Variants in SNTB1 observed in about 807,000 individuals in gnomAD.
SNTB1 encodes the protein syntrophin beta 1.
SNTB1 carries 36 observed loss-of-function variants against 48.9 expected under a neutral mutation model. The observed-to-expected ratio is 0.74, with a 90% CI of 0.56 to 0.97. SNTB1 has a LOEUF of 0.97. Among genes scored for constraint, SNTB1 ranks in the 50% least tolerant of loss-of-function variants. The probability of loss-of-function intolerance (pLI) is 0.00; values close to 1 mark genes in which losing one functional copy is unlikely to be tolerated. For missense variants in SNTB1, 786 were observed against 703.4 expected (o/e 1.12, Z -1.33); for synonymous variants, 299 against 294.6 (o/e 1.01, Z -0.15).
intron 2 of SNTB1, among the ~76,000 whole-genome samples, chr8:120,640,117 G>A (rs1340639576): frequency 6.6e-6 from 1 of 151,452 alleles, no homozygotes; most frequent in East Asian, 1.9e-4. Context: ...TGGATTCCTA[G>A]GTATTTTATT....
chr8:120,678,513 G>C (rs1053147410), intron 2 of SNTB1, among the ~76,000 whole-genome samples: 3 of 152,080 alleles, frequency 2.0e-5, no homozygotes, highest in African/African-American at 7.2e-5. Flanking sequence ...GTCTTCCTCT[G>C]AGCCTCTCAA....
chr8:120,655,264 A>G (rs1238992905), intron 2 of SNTB1, among the ~76,000 whole-genome samples: 22 of 152,248 alleles, frequency 1.4e-4, no homozygotes, highest in Admixed American at 1.3e-3. Flanking sequence ...TGTGAAAAAG[A>G]TAACATCAAA....
chr8:120,549,028 T>G (rs1815434261), intron 4 of SNTB1, 70 bp from the exon 5 acceptor site: 1 of 1,301,870 alleles, frequency 7.7e-7, no homozygotes, highest in Non-Finnish European at 1.1e-6. Context: ...TCACCTTGTA[T>G]AAGACCCAAA....
intron 1 of SNTB1, among the ~76,000 whole-genome samples, chr8:120,769,930 C>G (rs1228489161): frequency 1.3e-5 from 2 of 152,190 alleles, no homozygotes; most frequent in African/African-American, 2.4e-5. Context: ...TTTACTCAAA[C>G]TCAAAAACAA....
At chr8:120,634,852 ATTT>A (rs11347235) in intron 2 of SNTB1, among the ~76,000 whole-genome samples, 4 of 139,198 alleles carry the variant, frequency 2.9e-5, no homozygotes, top group Non-Finnish European at 3.1e-5. Flanking sequence ...ATTAGTATTC[ATTT>A]TTTTTTTTTT....
In SNTB1 at chr8:120,679,781, C is replaced by A. The variant is rs192230548; in HGVS notation, c.788+13911G>T. ...GCTACATCACTCCATGGCTTCAGAC[C>A]CCTCCTAGAAAAAAGTTCAAGTTAT... is the stretch of plus-strand genomic sequence containing the variant. On this transcript the variant is annotated intron_variant, in intron 2 of 6. Coordinates refer to ENST00000517992, the MANE Select transcript of SNTB1 (RefSeq NM_021021.4). 1.9e-3 allele frequency among the ~76,000 whole-genome samples: 288 copies of A among 152,166 alleles called. 5 individuals are homozygous for A. In the Middle Eastern group the frequency reaches 0.068, roughly 36 times the overall value.
rs750870559 is a variant in SNTB1, at chr8:120,538,757, A to G, written c.*120T>C. Reference sequence around the variant, plus strand: ...GGGACAGTTACATACGACTCTTGAGAGCTAAAGCTGACTGTAGCACGCTAC... The same window carrying G: ...GGGACAGTTACATACGACTCTTGAGGGCTAAAGCTGACTGTAGCACGCTAC... On this transcript the variant is annotated 3_prime_UTR_variant, in exon 7 of 7. Transcript: ENST00000517992. The G allele has an allele frequency of 2.9e-5, 24 of 839,570 alleles. No individual in the cohort carries two copies. The highest frequency in any genetic ancestry group is 1.1e-4 in the Admixed American group (6 of 56,054). The allele number at this position is 839,570 out of a possible 1,614,324, so 52.0% of individuals were successfully genotyped here.
At chr8:120,616,128 C>T (rs1349413021) in intron 3 of SNTB1, among the ~76,000 whole-genome samples, 27 of 152,154 alleles carry the variant, frequency 1.8e-4, no homozygotes, top group Admixed American at 1.7e-3. Context: ...AAGCCTTCCT[C>T]ACATCTCCAA....
Position 120,811,865 on chromosome 8 carries a change from C to A in SNTB1, c.-22G>T, listed in dbSNP as rs1161513886. The A allele has an allele frequency of 7.5e-7, 1 of 1,330,712 alleles. No individual in the cohort carries two copies. The highest frequency in any genetic ancestry group is 1.5e-5 in the African/African-American group (1 of 64,772). 82.4% of individuals were successfully genotyped at this position (1,330,712 alleles called of 1,614,324 possible). On this transcript the variant is annotated 5_prime_UTR_variant, in exon 1 of 7. Coordinates refer to ENST00000517992, the MANE Select transcript of SNTB1 (RefSeq NM_021021.4). The stretch of plus-strand genomic sequence containing the variant: ...CCATCTTTCCGGCATTCTTAAAATG[C>A]CATGTGATTGGAAAAGGGGGGAAAA...
At chr8:120,624,174 G>A (rs1313397715) in intron 3 of SNTB1, among the ~76,000 whole-genome samples, 4 of 152,132 alleles carry the variant, frequency 2.6e-5, no homozygotes, top group African/African-American at 9.7e-5. Flanking sequence ...CTGACCTCCA[G>A]TGATCCACCC....
Position 120,806,242 on chromosome 8 carries a change from A to G in SNTB1, c.571+5031T>C, listed in dbSNP as rs554019738. ...GCAGAAGGGGTGTCACACTGCTGGCATTTAGTGAAGGAAGCCAGGGAACCT... is the reference window on the plus strand; with the variant it reads ...GCAGAAGGGGTGTCACACTGCTGGCGTTTAGTGAAGGAAGCCAGGGAACCT... On this transcript the variant is annotated intron_variant, in intron 1 of 6. Transcript: ENST00000517992. Among the ~76,000 whole-genome samples, 12 of 152,350 alleles carry G rather than the reference A, an allele frequency of 7.9e-5. No homozygotes were observed. In the South Asian group the frequency reaches 2.3e-3, roughly 29 times the overall value.
intron 3 of SNTB1, among the ~76,000 whole-genome samples, chr8:120,590,790 A>G (rs565048960): frequency 4.4e-3 from 652 of 149,880 alleles, no homozygotes; most frequent in Non-Finnish European, 7.6e-3. Flanking sequence ...CGGTTCAAGC[A>G]ATTCTCCTGC....
In SNTB1 at chr8:120,547,592, CAAA is replaced by C. The variant is rs11289979; in HGVS notation, c.1333+1167_1333+1169del. Among the ~76,000 whole-genome samples, 22 of 89,064 alleles carry C rather than the reference CAAA, an allele frequency of 2.5e-4. 1 individual carries two copies. The highest frequency in any genetic ancestry group is 3.0e-4 in the Non-Finnish European group (14 of 46,598). The allele number at this position is 89,064 out of a possible 152,430, so 58.4% of individuals were successfully genotyped here. A position where few individuals can be genotyped will look rare whatever the true frequency, so the allele number is the denominator to read the frequency against. On this transcript the variant is annotated intron_variant, in intron 5 of 6. Coordinates refer to ENST00000517992, the MANE Select transcript of SNTB1 (RefSeq NM_021021.4). The stretch of plus-strand genomic sequence containing the variant: ...AGGTGACAAGAGCAAAACACTGTCT[CAAA>C]AAAAAAAAAAAAAAAAAACAACTTT...
intron 1 of SNTB1, among the ~76,000 whole-genome samples, chr8:120,776,205 T>C (rs1168302517): frequency 2.6e-5 from 4 of 152,216 alleles, no homozygotes; most frequent in Non-Finnish European, 5.9e-5. Context: ...CAATCCTCCA[T>C]TCTAGTCTCA....
At chr8:120,583,536 C>T (rs993917594) in intron 3 of SNTB1, among the ~76,000 whole-genome samples, 1 of 150,864 alleles carries the variant, frequency 6.6e-6, no homozygotes, top group East Asian at 1.9e-4. Flanking sequence ...CACACACACA[C>T]ACACACACAC....
At chr8:120,765,745 G>GTTTTTTTTTTTTTTT (rs1819511133) in intron 1 of SNTB1, 1 of 152,108 alleles carries the variant, frequency 6.6e-6, no homozygotes, top group East Asian at 1.9e-4. Context: ...TGGGTATTAA[G>GTTTTTTTTTTTTTTT]TTTACAAAAC....
chr8:120,802,489 G>A (rs1386208295), intron 1 of SNTB1, among the ~76,000 whole-genome samples: 1 of 152,050 alleles, frequency 6.6e-6, no homozygotes, highest in African/African-American at 2.4e-5. Context: ...GAAAACATCT[G>A]ATGCTGCTTA....
chr8:120,741,586 G>T (rs2130006031), intron 1 of SNTB1, among the ~76,000 whole-genome samples: 1 of 152,282 alleles, frequency 6.6e-6, no homozygotes, highest in East Asian at 1.9e-4. Flanking sequence ...TCCCACCTGG[G>T]TGATGTGACA....
intron 6 of SNTB1, 103 bp downstream of exon 6, chr8:120,541,707 A>G: frequency 1.4e-6 from 1 of 720,866 alleles, no homozygotes; most frequent in African/African-American, 1.8e-5. Flanking sequence ...GCTTGCAAGC[A>G]CATCATTAGC....
Sources: gnomAD v4.1 joint callset for allele counts (sites outside exome capture counted in the v4.1 genomes callset) on GRCh38, gnomAD v4.1.1 for gene constraint, MANE v1.5 for transcripts, NCBI Gene and HGNC (gene_info 2026-07-23, HGNC 2026-07-21) for gene names.